The following UBE2U variants were observed in gnomAD, a reference collection of about 807,000 sequenced individuals.
UBE2U encodes the protein ubiquitin conjugating enzyme E2 U, also known as ubiquitin-conjugating enzyme E2 U.
UBE2U carries 39 observed loss-of-function variants against 41.2 expected under a neutral mutation model. The observed-to-expected ratio is 0.95, with a 90% CI of 0.73 to 1.24. The LOEUF (loss-of-function observed/expected upper bound fraction) is 1.24, where lower values mean the gene tolerates loss of function less well. UBE2U is among the 50% of genes most tolerant of loss of function. The probability of loss-of-function intolerance (pLI) is 0.00; values close to 1 mark genes in which losing one functional copy is unlikely to be tolerated. For synonymous variants in UBE2U, 107 were observed against 117.8 expected (o/e 0.91, Z 0.60); for missense variants, 336 against 363.1 (o/e 0.93, Z 0.61).
intron 5 of UBE2U, among the ~76,000 whole-genome samples, chr1:64,218,322 G>C (rs568363762): frequency 6.6e-6 from 1 of 151,878 alleles, no homozygotes; most frequent in African/African-American, 2.4e-5. Flanking sequence ...CTCGAGTTAC[G>C]TACCTCTTTT....
chr1:64,262,080 C>A (rs548615534), intron 9 of UBE2U, among the ~76,000 whole-genome samples: 1 of 152,274 alleles, frequency 6.6e-6, no homozygotes, highest in Admixed American at 6.5e-5. Context: ...TTGTTCCCTA[C>A]CTCATTTCAT....
At chr1:64,205,836 A>G (rs1651261844) in intron 2 of UBE2U, 116 bp downstream of exon 2, 2 of 709,948 alleles carry the variant, frequency 2.8e-6, no homozygotes, top group East Asian at 2.9e-5. Flanking sequence ...ATTCTTCTTC[A>G]TATGCATAAG....
intron 7 of UBE2U, among the ~76,000 whole-genome samples, chr1:64,237,305 A>C (rs993755110): frequency 4.1e-5 from 2 of 48,450 alleles, no homozygotes; most frequent in Non-Finnish European, 1.3e-4. Flanking sequence ...TGTATCATAG[A>C]AAAAAAAAAA....
chr1:64,241,831 G>T, intron 8 of UBE2U, 98 bp downstream of exon 8: 1 of 848,442 alleles, frequency 1.2e-6, no homozygotes. Context: ...AGAAACCCTT[G>T]GAAATAACAA....
intron 5 of UBE2U, among the ~76,000 whole-genome samples, chr1:64,219,560 G>A (rs1458654318): frequency 6.7e-6 from 1 of 149,396 alleles, no homozygotes; most frequent in African/African-American, 2.4e-5. Flanking sequence ...TGATTTGAAT[G>A]TTGGGTCTAT....
At chr1:64,249,675 G>A (rs749551583) in intron 8 of UBE2U, among the ~76,000 whole-genome samples, 5 of 151,726 alleles carry the variant, frequency 3.3e-5, no homozygotes, top group Non-Finnish European at 7.4e-5. Context: ...GTTAGACACT[G>A]CAGAAGAAAT....
intron 8 of UBE2U, among the ~76,000 whole-genome samples, chr1:64,245,825 C>T (rs139883069): frequency 2.1e-3 from 327 of 152,266 alleles, no homozygotes; most frequent in Non-Finnish European, 3.6e-3. Flanking sequence ...CATCCCCCAA[C>T]CCCTGACGCC....
intron 9 of UBE2U, among the ~76,000 whole-genome samples, chr1:64,263,409 G>A (rs770629317): frequency 4.6e-5 from 7 of 152,106 alleles, no homozygotes; most frequent in South Asian, 2.1e-4. Flanking sequence ...TCACCAGAGC[G>A]TGCCTGGACT....
chr1:64,237,522 T>C (rs1644692062), intron 7 of UBE2U, among the ~76,000 whole-genome samples: 1 of 152,242 alleles, frequency 6.6e-6, no homozygotes, highest in Admixed American at 6.5e-5. Context: ...TCTCTGTCTC[T>C]CTCCTGTCCT....
chr1:64,239,831 G>A (rs903117427), intron 7 of UBE2U, among the ~76,000 whole-genome samples: 4 of 152,080 alleles, frequency 2.6e-5, no homozygotes, highest in East Asian at 1.9e-4. Flanking sequence ...GTAAACATAC[G>A]TGTGCATGTG....
intron 8 of UBE2U, among the ~76,000 whole-genome samples, chr1:64,250,946 G>A (rs1331884458): frequency 6.6e-6 from 1 of 151,234 alleles, no homozygotes; most frequent in African/African-American, 2.4e-5. Context: ...ATAGCATTAG[G>A]AGATACACCT....
At chr1:64,222,493 G>A (rs961362714) in intron 6 of UBE2U, among the ~76,000 whole-genome samples, 1 of 152,166 alleles carries the variant, frequency 6.6e-6, no homozygotes, top group Non-Finnish European at 1.5e-5. Flanking sequence ...CTAGAATCAG[G>A]TCTGATTTGT....
At chr1:64,232,158 G>A (rs1644579770) in intron 6 of UBE2U, among the ~76,000 whole-genome samples, 1 of 152,110 alleles carries the variant, frequency 6.6e-6, no homozygotes, top group Non-Finnish European at 1.5e-5. Flanking sequence ...AGAAATAAGG[G>A]TTTTTTACTA....
chr1:64,247,403 A>G (rs1033214912), intron 8 of UBE2U, among the ~76,000 whole-genome samples: 14 of 152,108 alleles, frequency 9.2e-5, no homozygotes, highest in African/African-American at 3.1e-4. Context: ...TGTTCCCCAA[A>G]TCTTATGTTG....
At chr1:64,225,021 T>C (rs1233119468) in intron 6 of UBE2U, among the ~76,000 whole-genome samples, 1 of 152,118 alleles carries the variant, frequency 6.6e-6, no homozygotes, top group African/African-American at 2.4e-5. Context: ...TTCTTCCATT[T>C]ACTATGTGAC....
intron 6 of UBE2U, among the ~76,000 whole-genome samples, chr1:64,226,556 C>A (rs1182371598): frequency 6.6e-6 from 1 of 152,032 alleles, no homozygotes; most frequent in Non-Finnish European, 1.5e-5. Context: ...GCTATTCAAG[C>A]CAGGTGAGAT....
At position 64,267,242 on chromosome 1, in the gene UBE2U, C is replaced by T; in HGVS notation, c.*34C>T. On this transcript the variant is annotated 3_prime_UTR_variant, in exon 10 of 10. Coordinates refer to ENST00000371077, the MANE Select transcript of UBE2U (RefSeq NM_001366232.2). ...TTATCAGATTCAAAAAATAAACAGC[C>T]TCCGCCATAGCCCAGCGTTGTGGAG... The T allele has an allele frequency of 1.4e-6, 2 of 1,449,682 alleles. No individual in the cohort carries two copies. Among genetic ancestry groups the T allele is most frequent in the South Asian group, 3.0e-5 (2 of 65,962 alleles). 89.8% of individuals were successfully genotyped at this position (1,449,682 alleles called of 1,614,324 possible). A position where few individuals can be genotyped will look rare whatever the true frequency, so the allele number is the denominator to read the frequency against.
chr1:64,243,788 G>C (rs527659539), intron 8 of UBE2U, among the ~76,000 whole-genome samples: 1 of 152,214 alleles, frequency 6.6e-6, no homozygotes, highest in African/African-American at 2.4e-5. Flanking sequence ...GATCAGCAAG[G>C]TCTTTGCTGC....
intron 5 of UBE2U, among the ~76,000 whole-genome samples, chr1:64,218,938 G>A (rs1003533979): frequency 3.3e-5 from 5 of 152,256 alleles, no homozygotes; most frequent in African/African-American, 9.6e-5. Flanking sequence ...CCTCTTTCCT[G>A]TGGCACTCTA....
Sources: gnomAD v4.1 joint callset for allele counts (sites outside exome capture counted in the v4.1 genomes callset) on GRCh38, gnomAD v4.1.1 for gene constraint, MANE v1.5 for transcripts, NCBI Gene and HGNC (gene_info 2026-07-23, HGNC 2026-07-21) for gene names.